LDB2: variants seen among roughly 807,000 people sequenced by gnomAD.
LDB2 encodes LIM domain binding 2.
In LDB2, 12 loss-of-function variants were observed where a neutral mutation model predicts 44.3. The observed-to-expected ratio is 0.27, with a 90% CI of 0.17 to 0.44. LDB2 has a LOEUF of 0.44. Ranked by LOEUF, LDB2 falls within the 20% of genes least tolerant of loss-of-function variation. The pLI is 1.00. For synonymous variants in LDB2, 164 were observed against 174.8 expected, an observed-to-expected ratio of 0.94 and a Z score of 0.49; for missense variants, 344 against 473.5, an observed-to-expected ratio of 0.73 and a Z score of 2.54.
chr4:16,885,097 A>T lies in LDB2; in HGVS notation c.132+13257T>A, dbSNP rs537521178. ...AAAAACAGTGATCTGAGGCGGGAGG[A>T]TCACTCAAGCTCAGGAGTTTGAGAC... On this transcript the variant is annotated intron_variant, in intron 1 of 7. Coordinates refer to ENST00000304523, the MANE Select transcript of LDB2 (RefSeq NM_001290.5). Among the ~76,000 whole-genome samples, 5 of 150,230 alleles carry T rather than the reference A, an allele frequency of 3.3e-5. No individual in the cohort carries two copies. In the South Asian group the frequency reaches 6.4e-4, roughly 19 times the overall value.
At chr4:16,801,673 C>T (rs1777860435) in intron 1 of LDB2, among the ~76,000 whole-genome samples, 1 of 152,190 alleles carries the variant, frequency 6.6e-6, no homozygotes, top group African/African-American at 2.4e-5. Context: ...ATGTTCATCA[C>T]TCTTCCTATG....
At chr4:16,642,207 G>A (rs1269764648) in intron 2 of LDB2, among the ~76,000 whole-genome samples, 2 of 152,122 alleles carry the variant, frequency 1.3e-5, no homozygotes, top group Non-Finnish European at 2.9e-5. Context: ...TAGATAATAT[G>A]GGAGAGAGGA....
intron 2 of LDB2, among the ~76,000 whole-genome samples, chr4:16,663,503 G>C (rs990093264): frequency 1.3e-5 from 2 of 152,140 alleles, no homozygotes; most frequent in African/African-American, 4.8e-5. Flanking sequence ...AGATGTAAAT[G>C]GTTGGTGACT....
chr4:16,562,072 G>C (rs1177913123), intron 5 of LDB2, among the ~76,000 whole-genome samples: 1 of 152,144 alleles, frequency 6.6e-6, no homozygotes, highest in Non-Finnish European at 1.5e-5. Context: ...ATTAATTCAA[G>C]ATGGATTAAA....
chr4:16,570,506 T>G (rs1402921837), intron 5 of LDB2, among the ~76,000 whole-genome samples: 28 of 52,216 alleles, frequency 5.4e-4, no homozygotes, highest in African/African-American at 1.4e-3. Context: ...AAAAAAAAAG[T>G]TTACATCTCA....
intron 2 of LDB2, among the ~76,000 whole-genome samples, chr4:16,735,034 C>T (rs1389298073): frequency 2.0e-5 from 3 of 152,080 alleles, no homozygotes; most frequent in Non-Finnish European, 2.9e-5. Flanking sequence ...TCTAAGGGCT[C>T]GGGTTGTGAA....
At chr4:16,561,037 T>C (rs895339026) in intron 5 of LDB2, among the ~76,000 whole-genome samples, 5 of 152,196 alleles carry the variant, frequency 3.3e-5, no homozygotes, top group African/African-American at 1.2e-4. Flanking sequence ...CTAAAAACTC[T>C]CAATAACTTA....
intron 2 of LDB2, among the ~76,000 whole-genome samples, chr4:16,666,602 T>A (rs1743292567): frequency 6.6e-6 from 1 of 152,248 alleles, no homozygotes; most frequent in Admixed American, 6.5e-5. Context: ...TTCTACTGCA[T>A]GGATGTCCAT....
At position 16,761,468 on chromosome 4, in the gene LDB2, G is replaced by T. The variant is rs190850077; in HGVS notation, c.133-2208C>A. On this transcript the variant is annotated intron_variant, in intron 1 of 7. Coordinates refer to ENST00000304523, the MANE Select transcript of LDB2 (RefSeq NM_001290.5). ...GGACTCACGCTCAGGAGACTGCCTG[G>T]CGTTTCACAGTAAAGCAGTTGGTAA... Among the ~76,000 whole-genome samples the T allele has an allele frequency of 1.4e-4, 21 of 152,252 alleles. No homozygotes were observed. In the East Asian group the frequency reaches 3.7e-3, roughly 27 times the overall value.
At chr4:16,777,348 A>G (rs375877650) in intron 1 of LDB2, among the ~76,000 whole-genome samples, 1 of 152,134 alleles carries the variant, frequency 6.6e-6, no homozygotes, top group African/African-American at 2.4e-5. Flanking sequence ...GAGCCGAGGC[A>G]TGAGAGGATT....
chr4:16,813,377 G>T (rs1780277104), intron 1 of LDB2, among the ~76,000 whole-genome samples: 1 of 152,160 alleles, frequency 6.6e-6, no homozygotes. Context: ...CATAGAAGAA[G>T]TCTTCAATGA....
At chr4:16,838,289 C>T (rs1785252226) in intron 1 of LDB2, among the ~76,000 whole-genome samples, 1 of 152,154 alleles carries the variant, frequency 6.6e-6, no homozygotes, top group Non-Finnish European at 1.5e-5. Context: ...CGGAGATCAG[C>T]AAGCAACAGA....
intron 2 of LDB2, among the ~76,000 whole-genome samples, chr4:16,751,864 A>G (rs1311620208): frequency 6.6e-6 from 1 of 152,152 alleles, no homozygotes. Context: ...TTTGCTACAA[A>G]TCTCACCAGC....
At chr4:16,562,322 T>C (rs1742682458) in intron 5 of LDB2, among the ~76,000 whole-genome samples, 1 of 152,226 alleles carries the variant, frequency 6.6e-6, no homozygotes, top group Non-Finnish European at 1.5e-5. Flanking sequence ...CCTACTCATC[T>C]GACAAAGGGC....
At chr4:16,848,957 A>C (rs1294298942) in intron 1 of LDB2, among the ~76,000 whole-genome samples, 1 of 152,212 alleles carries the variant, frequency 6.6e-6, no homozygotes, top group Admixed American at 6.5e-5. Flanking sequence ...ATCTGATTAA[A>C]GCCTAAATCA....
At chr4:16,525,371 G>A (rs113782132) in intron 5 of LDB2, among the ~76,000 whole-genome samples, 1 of 152,192 alleles carries the variant, frequency 6.6e-6, no homozygotes, top group Non-Finnish European at 1.5e-5. Context: ...CTGACGCAAA[G>A]GAAAGGAAAG....
chr4:16,719,403 T>C (rs1757762750), intron 2 of LDB2, among the ~76,000 whole-genome samples: 1 of 152,108 alleles, frequency 6.6e-6, no homozygotes, highest in Non-Finnish European at 1.5e-5. Context: ...ATAATTTTAT[T>C]TTTACTATGT....
At chr4:16,841,645 T>G (rs887678566) in intron 1 of LDB2, among the ~76,000 whole-genome samples, 46 of 152,236 alleles carry the variant, frequency 3.0e-4, no homozygotes, top group African/African-American at 1.0e-3. Context: ...TCTTCCCCCT[T>G]TTCTCCTTCT....
intron 2 of LDB2, among the ~76,000 whole-genome samples, chr4:16,716,506 A>G (rs1376299956): frequency 2.6e-5 from 4 of 152,202 alleles, no homozygotes; most frequent in Admixed American, 2.0e-4. Flanking sequence ...TGAAGTAGCA[A>G]TGCTTTAGTA....
Sources: gnomAD v4.1 joint callset for allele counts (sites outside exome capture counted in the v4.1 genomes callset) on GRCh38, gnomAD v4.1.1 for gene constraint, MANE v1.5 for transcripts, NCBI Gene and HGNC (gene_info 2026-07-23, HGNC 2026-07-21) for gene names.